Variants in MED13L observed in about 807,000 individuals in gnomAD.
The protein encoded by MED13L is mediator complex subunit 13L.
A neutral mutation model predicts 220.9 loss-of-function variants in MED13L; 7 were observed. That is an observed-to-expected ratio of 0.03 (90% CI 0.02 to 0.06). MED13L has a LOEUF of 0.06. Ranked by LOEUF, MED13L falls within the 10% of genes least tolerant of loss-of-function variation. The pLI, the probability that MED13L is intolerant of heterozygous loss-of-function variation, is 1.00. For synonymous variants in MED13L, 1,011 were observed against 1,015.2 expected (o/e 1.00, Z 0.08); for missense variants, 1,965 against 2,760.5 (o/e 0.71, Z 6.46).
At position 116,019,993 on chromosome 12, in the gene MED13L, A is replaced by G. The variant is rs1188183564; in HGVS notation, c.626-21T>C. 3 of 1,594,522 alleles carry G rather than the reference A, an allele frequency of 1.9e-6. No individual in the cohort carries two copies. The East Asian group carries it at 6.7e-5, about 36-fold the overall frequency. ...CAGTACTATGGAGGGGAGGAGAAAT[A>G]CATGCTAAACATTAGAGAAATAATT... On this transcript the variant is annotated intron_variant, in intron 5 of 30. Transcript: ENST00000281928.
intron 7 of MED13L, among the ~76,000 whole-genome samples, chr12:116,017,708 A>T (rs2161859): frequency 0.19 from 28,811 of 152,054 alleles, 3,062 homozygotes; most frequent in Middle Eastern, 0.27. Context: ...CTCCACCTCC[A>T]GGGCTCAAGC....
At chr12:116,073,513 TAA>T (rs1186642474) in intron 4 of MED13L, among the ~76,000 whole-genome samples, 2 of 152,158 alleles carry the variant, frequency 1.3e-5, no homozygotes, top group Non-Finnish European at 2.9e-5. Context: ...TAAATGAATG[TAA>T]AAGAGTGTAG....
chr12:116,031,714 A>AGGAAAG (rs35407240), intron 4 of MED13L, among the ~76,000 whole-genome samples: 1 of 70,980 alleles, frequency 1.4e-5, no homozygotes, highest in South Asian at 5.2e-4. Context: ...AGAAAAGAAA[A>AGGAAAG]GAAAAGAAAA....
At chr12:115,988,793 A>G (rs1383095679) in intron 17 of MED13L, among the ~76,000 whole-genome samples, 1 of 152,172 alleles carries the variant, frequency 6.6e-6, no homozygotes, top group Non-Finnish European at 1.5e-5. Flanking sequence ...TTCATCCTGA[A>G]AGACGACACC....
chr12:116,124,467 A>G (rs1233184154), intron 2 of MED13L, among the ~76,000 whole-genome samples: 1 of 152,180 alleles, frequency 6.6e-6, no homozygotes, highest in Non-Finnish European at 1.5e-5. Context: ...CAACAGTAGT[A>G]TCCTTTTTTC....
In MED13L at chr12:116,022,333, C is replaced by T. The variant is rs1461042493; in HGVS notation, c.625+123G>A. The T allele has an allele frequency of 3.5e-6, 4 of 1,154,936 alleles. No homozygotes were observed. The East Asian group carries it at 7.5e-5, about 22-fold the overall frequency. The allele number at this position is 1,154,936 out of a possible 1,614,324, so 71.5% of individuals were successfully genotyped here. A position where few individuals can be genotyped will look rare whatever the true frequency, so the allele number is the denominator to read the frequency against. On this transcript the variant is annotated intron_variant, in intron 5 of 30. Transcript: ENST00000281928. The stretch of plus-strand genomic sequence containing the variant: ...CTTTTCTTCCTTCTTCAAAATCTGA[C>T]CCTTATGCTTAGCTTTAAAATGTCC...
At chr12:116,259,374 T>C (rs149513678) in intron 1 of MED13L, among the ~76,000 whole-genome samples, 415 of 152,282 alleles carry the variant, frequency 2.7e-3, no homozygotes, top group South Asian at 7.5e-3. Flanking sequence ...AACTGTAGAA[T>C]TGTGGGAACA....
intron 27 of MED13L, among the ~76,000 whole-genome samples, chr12:115,969,535 T>C (rs954513539): frequency 6.6e-6 from 1 of 151,908 alleles, no homozygotes; most frequent in Non-Finnish European, 1.5e-5. Context: ...GCCCTGAAAA[T>C]GGAGACCTAT....
Position 115,975,540 on chromosome 12 carries a change from C to G in MED13L, c.5563G>C (p.Val1855Leu), listed in dbSNP as rs182752795. 6.2e-7 allele frequency: 1 copy of G among 1,613,914 alleles called. No homozygotes were observed. Among genetic ancestry groups the G allele is most frequent in the East Asian group, 2.2e-5 (1 of 44,882 alleles). Residue 1855 changes from valine (V) to leucine (L), a missense_variant, in exon 24 of 31, where the codon GTT (valine) becomes CTT (leucine). Val to Leu is a conservative substitution (Grantham distance 32). Coordinates refer to ENST00000281928, the MANE Select transcript of MED13L (RefSeq NM_015335.5). ...CTGTTTGGTAAAGCAATATTTACAA[C>G]GCAGGTCTCTAATAATTCCCCATGG... is the stretch of plus-strand genomic sequence containing the variant. ...DLHGELLETCVVNIALPNRSR... is the reference protein window; with the variant it reads ...DLHGELLETCLVNIALPNRSR...
chr12:116,272,543 C>A (rs1873461478), intron 1 of MED13L, among the ~76,000 whole-genome samples: 1 of 150,960 alleles, frequency 6.6e-6, no homozygotes, highest in South Asian at 2.1e-4. Flanking sequence ...CACAGTGGGA[C>A]TCTGGTCTCA....
intron 2 of MED13L, among the ~76,000 whole-genome samples, chr12:116,202,347 T>C (rs1256561245): frequency 6.6e-6 from 1 of 152,202 alleles, no homozygotes; most frequent in Non-Finnish European, 1.5e-5. Context: ...TTTTGGCAGA[T>C]ATAAGTACCC....
At chr12:115,964,931 G>C (rs1360775036) in intron 29 of MED13L, among the ~76,000 whole-genome samples, 1 of 152,076 alleles carries the variant, frequency 6.6e-6, no homozygotes, top group Non-Finnish European at 1.5e-5. Context: ...AGCAGACAGA[G>C]CTAAAAAAAT....
intron 2 of MED13L, among the ~76,000 whole-genome samples, chr12:116,127,938 G>C (rs969036655): frequency 3.3e-5 from 5 of 152,116 alleles, no homozygotes; most frequent in African/African-American, 1.2e-4. Flanking sequence ...AACACCCTCT[G>C]TGTACTCATT....
rs187917287 is a variant in MED13L at position 116,058,891 on chromosome 12, T to C, written c.480-36290A>G. ...GACTCACGACTATATATGTAAAATA[T>C]GAATATGTTAATTAGAGGTCAAAAT... On this transcript the variant is annotated intron_variant, in intron 4 of 30. Transcript: ENST00000281928. 3.1e-3 allele frequency among the ~76,000 whole-genome samples: 472 copies of C among 152,308 alleles called. 1 individual carries two copies. Among genetic ancestry groups the C allele is most frequent in the African/African-American group, 0.011 (447 of 41,570 alleles).
intron 2 of MED13L, among the ~76,000 whole-genome samples, chr12:116,216,339 C>T (rs1882993144): frequency 6.6e-6 from 1 of 152,088 alleles, no homozygotes; most frequent in Admixed American, 6.6e-5. Flanking sequence ...GCTACTTCCT[C>T]CATAAGACTT....
intron 2 of MED13L, among the ~76,000 whole-genome samples, chr12:116,122,112 T>A (rs979159257): frequency 1.3e-4 from 20 of 152,006 alleles, no homozygotes; most frequent in African/African-American, 4.1e-4. Flanking sequence ...AAAAAAAAAA[T>A]CTTCTGAATT....
chr12:116,061,417 A>T (rs925391754), intron 4 of MED13L, among the ~76,000 whole-genome samples: 1 of 152,198 alleles, frequency 6.6e-6, no homozygotes, highest in Admixed American at 6.5e-5. Flanking sequence ...GGCAGAACTG[A>T]GTTTACATCT....
At chr12:116,098,304 T>C (rs1419494754) in intron 3 of MED13L, among the ~76,000 whole-genome samples, 1 of 151,374 alleles carries the variant, frequency 6.6e-6, no homozygotes, top group Non-Finnish European at 1.5e-5. Context: ...GGGGGGGAAA[T>C]GGGGAAAATG....
At chr12:116,026,881 T>C (rs1443969140) in intron 4 of MED13L, among the ~76,000 whole-genome samples, 1 of 152,188 alleles carries the variant, frequency 6.6e-6, no homozygotes, top group Non-Finnish European at 1.5e-5. Flanking sequence ...GTAGTGGACC[T>C]GTTAACTAAA....
Sources: gnomAD v4.1 joint callset for allele counts (sites outside exome capture counted in the v4.1 genomes callset) on GRCh38, gnomAD v4.1.1 for gene constraint, MANE v1.5 for transcripts, NCBI Gene and HGNC (gene_info 2026-07-23, HGNC 2026-07-21) for gene names.